The following CHD7 variants were observed in gnomAD, a reference collection of about 807,000 sequenced individuals.
CHD7 encodes chromodomain helicase DNA binding protein 7, also known as ATP-dependent chromatin remodeler CHD7.
In CHD7, 24 loss-of-function variants were observed where a neutral mutation model predicts 307.3. That is an observed-to-expected ratio of 0.08 (90% confidence interval 0.06 to 0.11). CHD7 has a LOEUF of 0.11. Among genes scored for constraint, CHD7 ranks in the 10% least tolerant of loss-of-function variants. The pLI, the probability that CHD7 is intolerant of heterozygous loss-of-function variation, is 1.00. For synonymous variants in CHD7, 1,363 were observed against 1,349.9 expected, an observed-to-expected ratio of 1.01 and a Z score of -0.21; for missense variants, 3,106 against 3,727.1, an observed-to-expected ratio of 0.83 and a Z score of 4.34.
At chr8:60,802,527 A>C (rs1812361116) in intron 6 of CHD7, among the ~76,000 whole-genome samples, 1 of 152,178 alleles carries the variant, frequency 6.6e-6, no homozygotes, top group East Asian at 1.9e-4. Flanking sequence ...AGCATGTAAA[A>C]CAAACTTTAA....
intron 13 of CHD7, chr8:60,825,380 AATT>A (rs937819789): frequency 6.6e-6 from 1 of 152,224 alleles, no homozygotes. Context: ...CTTCCTAATG[AATT>A]ATTATTAAAG....
intron 2 of CHD7, among the ~76,000 whole-genome samples, chr8:60,750,666 C>T (rs772169340): frequency 5.3e-5 from 8 of 152,136 alleles, no homozygotes; most frequent in African/African-American, 9.7e-5. Context: ...AGATATTTTA[C>T]GCAAGAATTT....
chr8:60,728,536 T>A (rs1461207861), intron 1 of CHD7, among the ~76,000 whole-genome samples: 2 of 152,322 alleles, frequency 1.3e-5, no homozygotes, highest in East Asian at 1.9e-4. Context: ...GGTCTTTCTT[T>A]CTTTTTTTTG....
chr8:60,829,380 A>C (rs759490724), intron 14 of CHD7, among the ~76,000 whole-genome samples: 1 of 152,322 alleles, frequency 6.6e-6, no homozygotes, highest in East Asian at 1.9e-4. Flanking sequence ...CAGGCGGATC[A>C]CGAGGTCAGG....
intron 7 of CHD7, among the ~76,000 whole-genome samples, chr8:60,814,359 TACTA>T (rs1264389242): frequency 3.9e-5 from 6 of 152,232 alleles, no homozygotes; most frequent in East Asian, 1.9e-4. Flanking sequence ...AAGGCAAGAA[TACTA>T]ACTGACTGAC....
chr8:60,826,592 G>A (rs987030743), intron 13 of CHD7, among the ~76,000 whole-genome samples: 19 of 152,318 alleles, frequency 1.2e-4, no homozygotes, highest in Admixed American at 5.9e-4. Context: ...TGCGCTTGAT[G>A]GGGATTATCT....
chr8:60,771,252 G>A (rs991013330), intron 2 of CHD7, among the ~76,000 whole-genome samples: 6 of 152,188 alleles, frequency 3.9e-5, no homozygotes, highest in African/African-American at 1.2e-4. Context: ...AGATTTTAAA[G>A]TATACATTAG....
At chr8:60,686,154 A>C (rs893952493) in intron 1 of CHD7, among the ~76,000 whole-genome samples, 1 of 152,180 alleles carries the variant, frequency 6.6e-6, no homozygotes, top group Non-Finnish European at 1.5e-5. Context: ...GACATGCTTC[A>C]TGTGAAAGTT....
intron 2 of CHD7, among the ~76,000 whole-genome samples, chr8:60,761,487 TATA>T (rs1708129671): frequency 6.6e-6 from 1 of 152,066 alleles, no homozygotes; most frequent in South Asian, 2.1e-4. Context: ...AAACTTAAAG[TATA>T]ATAATAATTA....
intron 1 of CHD7, among the ~76,000 whole-genome samples, chr8:60,709,159 T>C (rs998275804): frequency 3.3e-5 from 5 of 152,220 alleles, no homozygotes; most frequent in African/African-American, 9.6e-5. Context: ...ATTTTCCTAT[T>C]AAAGGGTTAA....
At chr8:60,847,365 A>G (rs1336882775) in intron 23 of CHD7, among the ~76,000 whole-genome samples, 1 of 152,222 alleles carries the variant, frequency 6.6e-6, no homozygotes, top group African/African-American at 2.4e-5. Flanking sequence ...GCCATGTGCA[A>G]GGTAACTCTG....
At chr8:60,768,821 G>A (rs558598329) in intron 2 of CHD7, among the ~76,000 whole-genome samples, 5 of 108,462 alleles carry the variant, frequency 4.6e-5, no homozygotes, top group African/African-American at 6.7e-5. Context: ...GAATAATAAC[G>A]TTAAGCTACC....
chr8:60,721,269 A>G (rs1807889793), intron 1 of CHD7, among the ~76,000 whole-genome samples: 1 of 152,176 alleles, frequency 6.6e-6, no homozygotes, highest in Admixed American at 6.5e-5. Flanking sequence ...ATCTGACAGG[A>G]CTAGTGGTCT....
intron 6 of CHD7, among the ~76,000 whole-genome samples, chr8:60,806,672 CCTT>C (rs1812550935): frequency 6.6e-6 from 1 of 152,154 alleles, no homozygotes; most frequent in Admixed American, 6.5e-5. Context: ...TATCCAGACT[CCTT>C]CTTGATGATT....
rs115115541 is a variant in CHD7, at chr8:60,830,834, G to A, written c.3778+257G>A. On this transcript the variant is annotated intron_variant, in intron 15 of 37. Coordinates refer to ENST00000423902, the MANE Select transcript of CHD7 (RefSeq NM_017780.4). ...GACCTCCCTGTGCTTGAAAAGAGGC[G>A]TTAGTGTTCCAGGGCTAGAAGTCAT... 4.8e-3 allele frequency among the ~76,000 whole-genome samples: 738 copies of A among 152,278 alleles called. 2 individuals are homozygous for A. The highest frequency in any genetic ancestry group is 0.017 in the African/African-American group (694 of 41,544).
At chr8:60,825,444 C>T (rs1804217880) in intron 13 of CHD7, 1 of 152,150 alleles carries the variant, frequency 6.6e-6, no homozygotes, top group Non-Finnish European at 1.5e-5. Context: ...GTGGCCAATA[C>T]ACAAAACAAG....
intron 34 of CHD7, among the ~76,000 whole-genome samples, chr8:60,859,491 A>C (rs116431079): frequency 6.6e-6 from 1 of 152,322 alleles, no homozygotes; most frequent in African/African-American, 2.4e-5. Flanking sequence ...CATAAATCAT[A>C]ATGTGTCCTG....
chr8:60,704,078 A>G (rs1241643012), intron 1 of CHD7, among the ~76,000 whole-genome samples: 1 of 151,040 alleles, frequency 6.6e-6, no homozygotes, highest in Admixed American at 6.6e-5. Flanking sequence ...TTAAAAAAAC[A>G]CTCCTGTTGT....
At chr8:60,695,341 A>G (rs1253064385) in intron 1 of CHD7, among the ~76,000 whole-genome samples, 1 of 152,254 alleles carries the variant, frequency 6.6e-6, no homozygotes, top group East Asian at 1.9e-4. Flanking sequence ...TTTGGAACAT[A>G]TAATTTGACA....
Sources: allele counts gnomAD v4.1 joint callset (sites outside exome capture counted in the v4.1 genomes callset), GRCh38; gene constraint gnomAD v4.1.1; transcripts MANE v1.5; gene names NCBI Gene and HGNC (gene_info 2026-07-23, HGNC 2026-07-21).